The following RASSF1 variants were observed in gnomAD, a reference collection of about 807,000 sequenced individuals.
RASSF1 encodes Ras association domain family member 1, also known as ras association domain-containing protein 1.
A neutral mutation model predicts 34.3 loss-of-function variants in RASSF1; 33 were observed. The ratio of observed to expected loss-of-function variants is 0.96; its 90% confidence interval spans 0.73 to 1.29. The LOEUF (loss-of-function observed/expected upper bound fraction) is 1.29, where lower values mean the gene tolerates loss of function less well. Ranked by LOEUF, RASSF1 falls within the 50% of genes most tolerant of loss-of-function variation. The pLI is 0.00. For missense variants in RASSF1, 445 were observed against 471.8 expected (o/e 0.94, Z 0.53); for synonymous variants, 191 against 195.0 (o/e 0.98, Z 0.17).
At chr3:50,335,617 C>G (rs1055042721) in intron 2 of RASSF1, among the ~76,000 whole-genome samples, 1 of 152,014 alleles carries the variant, frequency 6.6e-6, no homozygotes, top group Non-Finnish European at 1.5e-5. Context: ...CCAAGCCCAG[C>G]CTTCTTTCTT....
intron 2 of RASSF1, chr3:50,337,026 G>T: frequency 8.8e-7 from 1 of 1,130,062 alleles, no homozygotes; most frequent in Non-Finnish European, 1.2e-6. Context: ...ACGGTTCCGC[G>T]GGCAGGTCCC....
chr3:50,332,357 T>A (rs1702982129), intron 2 of RASSF1, among the ~76,000 whole-genome samples: 1 of 152,196 alleles, frequency 6.6e-6, no homozygotes, highest in South Asian at 2.1e-4. Flanking sequence ...ACAGAATCAT[T>A]TGGCTTCTCT....
Position 50,337,179 on chromosome 3 carries a change from C to G in RASSF1, c.357+726G>C, listed in dbSNP as rs148169611. 91 of 1,610,602 alleles carry G rather than the reference C, an allele frequency of 5.7e-5. No homozygotes were observed. The African/African-American group carries it at 1.1e-3, about 20-fold the overall frequency. On this transcript the variant is annotated intron_variant, in intron 2 of 5. Coordinates refer to ENST00000359365, the MANE Select transcript of RASSF1 (RefSeq NM_007182.5). ...GGCACCCCCTGGCTCCCACCTGGTC[C>G]CGGCGCGGCCTGCGAGCTAGCGAGG... is the stretch of plus-strand genomic sequence containing the variant.
At chr3:50,339,615 C>A (rs147944291) in intron 1 of RASSF1, among the ~76,000 whole-genome samples, 3 of 151,974 alleles carry the variant, frequency 2.0e-5, no homozygotes, top group African/African-American at 7.3e-5. Flanking sequence ...GTGATCCACC[C>A]GCCTCCGCCT....
Position 50,330,722 on chromosome 3 carries a change from G to A in RASSF1, c.882C>T (p.Asp294=), listed in dbSNP as rs782802278. 2.0e-5 allele frequency: 33 copies of A among 1,613,682 alleles called. No individual in the cohort carries two copies. Among genetic ancestry groups the A allele is most frequent in the Middle Eastern group, 1.6e-4 (1 of 6,082 alleles). ...KENDSGEVNW[D]AFSMPELHNF... ...TATGTAGTTCAGGCATGCTGAAGGC[G>A]TCCCACTGCAAGGGGCAAAAGGGGA... The change falls in exon 6 of 6, where the codon GAC becomes GAT. Residue 294 remains aspartate (D), a synonymous_variant. Transcript: ENST00000359365. The surrounding 1 kb of genome is among the most constrained non-coding windows in gnomAD (Gnocchi z 4.5).
At chr3:50,337,716 TG>T in intron 2 of RASSF1, 188 bp downstream of exon 2, 1 of 832,564 alleles carries the variant, frequency 1.2e-6, no homozygotes, top group Non-Finnish European at 1.9e-6. Context: ...TTGCAGCGGG[TG>T]GAGTACTTGC....
chr3:50,340,085 G>T (rs1204449432), intron 1 of RASSF1, among the ~76,000 whole-genome samples: 1 of 152,178 alleles, frequency 6.6e-6, no homozygotes, highest in Non-Finnish European at 1.5e-5. Context: ...GGTCAGAAAA[G>T]GGTGTTTGCT....
chr3:50,336,388 G>T (rs1382376642), intron 2 of RASSF1: 1 of 152,124 alleles, frequency 6.6e-6, no homozygotes, highest in African/African-American at 2.4e-5. Context: ...GAGCCTGGTG[G>T]TCACACCAAT....
Position 50,337,900 on chromosome 3 carries a change from C to A in RASSF1, c.357+5G>T, listed in dbSNP as rs1427779208. ...CTTCCCATACGCCCTCGGCCCCGCGCTCACCACGTTCGTGTCCCGCTCCAC... is the reference window on the plus strand; with the variant it reads ...CTTCCCATACGCCCTCGGCCCCGCGATCACCACGTTCGTGTCCCGCTCCAC... On this transcript the variant is annotated splice_donor_5th_base_variant and intron_variant, in intron 2 of 5. Coordinates refer to ENST00000359365, the MANE Select transcript of RASSF1 (RefSeq NM_007182.5). The A allele has an allele frequency of 6.3e-7, 1 of 1,595,504 alleles. No homozygotes were observed. Among genetic ancestry groups the A allele is most frequent in the Non-Finnish European group, 8.6e-7 (1 of 1,164,342 alleles).
Position 50,340,614 on chromosome 3 carries a change from C to A in RASSF1, c.192G>T (p.Trp64Cys). 3 of 1,539,580 alleles carry A rather than the reference C, an allele frequency of 1.9e-6. No homozygotes were observed. The highest frequency in any genetic ancestry group is 2.6e-6 in the Non-Finnish European group (3 of 1,153,160). The change falls in exon 1 of 6, where the codon TGG becomes TGT. Residue 64 changes from tryptophan (W) to cysteine (C), a missense_variant. Physicochemically the swap from Trp to Cys is radical, Grantham distance 215 (BLOSUM62 -2). Coordinates refer to ENST00000359365, the MANE Select transcript of RASSF1 (RefSeq NM_007182.5). Reference sequence around the variant, plus strand: ...AGATGAAGTCGCCACAGAGGTCGCACCACGTGTGCGTGGCGGGCCCCGCGG... The same window carrying A: ...AGATGAAGTCGCCACAGAGGTCGCAACACGTGTGCGTGGCGGGCCCCGCGG... ...FQPAGPATHTWCDLCGDFIWG... is the reference protein window; with the variant it reads ...FQPAGPATHTCCDLCGDFIWG...
At chr3:50,332,304 C>CG (rs1702980377) in intron 2 of RASSF1, 150 bp from the exon 3 acceptor site, 1 of 630,274 alleles carries the variant, frequency 1.6e-6, no homozygotes, top group Admixed American at 2.8e-5. Context: ...CCTGAACCCA[C>CG]CACTGCTCCT....
intron 2 of RASSF1, among the ~76,000 whole-genome samples, chr3:50,334,154 G>C (rs1467310566): frequency 6.6e-6 from 1 of 152,184 alleles, no homozygotes; most frequent in African/African-American, 2.4e-5. Context: ...GAGGGAGCAG[G>C]GTGGAGCGTT....
chr3:50,338,243 C>A, intron 1 of RASSF1: 1 of 1,329,398 alleles, frequency 7.5e-7, no homozygotes, highest in Non-Finnish European at 9.6e-7. Context: ...GGATCTCTAT[C>A]GCCTAGCACA....
chr3:50,330,525 C>A lies in RASSF1; in HGVS notation c.*56G>T, dbSNP rs930215068. ...GGCCCCACTGGCCCTGTCACACTCA[C>A]ACGGCACGCACTTGGCGCTGCCTGC... On this transcript the variant is annotated 3_prime_UTR_variant, in exon 6 of 6. Transcript: ENST00000359365. The surrounding 1 kb of genome is among the most constrained non-coding windows in gnomAD (Gnocchi z 4.5). 69 of 1,601,506 alleles carry A rather than the reference C, an allele frequency of 4.3e-5. No individual in the cohort carries two copies. Among genetic ancestry groups the A allele is most frequent in the Non-Finnish European group, 5.7e-5 (67 of 1,171,974 alleles).
At chr3:50,333,098 A>G (rs1703005737) in intron 2 of RASSF1, among the ~76,000 whole-genome samples, 1 of 152,182 alleles carries the variant, frequency 6.6e-6, no homozygotes, top group Non-Finnish European at 1.5e-5. Flanking sequence ...CGGTCTCAAA[A>G]AAAAAAAAAA....
intron 1 of RASSF1, 44 bp downstream of exon 1, chr3:50,340,512 G>A: frequency 7.0e-7 from 1 of 1,422,114 alleles, no homozygotes. Context: ...GCTGCCCCTT[G>A]GCTGCCCCTT....
intron 2 of RASSF1, among the ~76,000 whole-genome samples, chr3:50,335,966 G>A (rs1703122159): frequency 6.6e-6 from 1 of 152,002 alleles, no homozygotes; most frequent in Non-Finnish European, 1.5e-5. Flanking sequence ...GCAGTGGCAC[G>A]ATCTTGGCTC....
At chr3:50,332,179 C>T (rs1267177920) in intron 2 of RASSF1, 25 bp from the exon 3 acceptor site, 18 of 1,607,136 alleles carry the variant, frequency 1.1e-5, no homozygotes, top group Non-Finnish European at 1.5e-5. Flanking sequence ...AGCATGGACA[C>T]AGGGCCCTTG....
In RASSF1 at chr3:50,330,762, G is replaced by C. The variant is rs1553718228; in HGVS notation, c.877-35C>G. ...GCAAAAGGGGAGTGTACAGGCTGCAGAAGGGATGGCCAAGCCAGCAGACCC... is the reference window on the plus strand; with the variant it reads ...GCAAAAGGGGAGTGTACAGGCTGCACAAGGGATGGCCAAGCCAGCAGACCC... On this transcript the variant is annotated intron_variant, in intron 5 of 5. Transcript: ENST00000359365. The surrounding 1 kb of genome is among the most constrained non-coding windows in gnomAD (Gnocchi z 4.5). 1 of 1,606,338 alleles carries C rather than the reference G, an allele frequency of 6.2e-7. No individual in the cohort carries two copies. The highest frequency in any genetic ancestry group is 1.7e-5 in the Admixed American group (1 of 59,776).
Sources: gnomAD v4.1 joint callset for allele counts (sites outside exome capture counted in the v4.1 genomes callset) on GRCh38, gnomAD v4.1.1 for gene constraint, Gnocchi (gnomAD v3.1) non-coding constraint, MANE v1.5 for transcripts, NCBI Gene and HGNC (gene_info 2026-07-23, HGNC 2026-07-21) for gene names.